Variants in CCR5AS observed in about 807,000 individuals in gnomAD.
CCR5AS encodes CCR5 antisense RNA.
chr3:46,388,549 C>A lies in CCR5AS; in HGVS notation n.391+4276G>T, dbSNP rs140654524. Among the ~76,000 whole-genome samples the A allele has an allele frequency of 6.5e-3, 996 of 152,266 alleles. 13 individuals carry two copies. Among genetic ancestry groups the A allele is most frequent in the African/African-American group, 0.023 (952 of 41,554 alleles). On this transcript the variant is annotated intron_variant and non_coding_transcript_variant, in intron 2 of 3. Coordinates refer to ENST00000451485, the Ensembl canonical transcript of CCR5AS. ...TTTGCTTGGTTGGTGAGTTTTTGGT[C>A]TCCATCCTTGAGTTTTTTTTATGTT...
intron 3 of CCR5AS, chr3:46,370,980 C>T (rs2106741265): frequency 6.6e-6 from 1 of 152,318 alleles, no homozygotes; most frequent in South Asian, 2.1e-4. Context: ...CTACAAGAAA[C>T]TCTCCCCGGT....
At chr3:46,394,292 G>A (rs1368323807) in intron 1 of CCR5AS, among the ~76,000 whole-genome samples, 3 of 152,194 alleles carry the variant, frequency 2.0e-5, no homozygotes, top group Admixed American at 6.5e-5. Flanking sequence ...CCCTGCTCTA[G>A]TGCTTCCTCC....
intron 1 of CCR5AS, among the ~76,000 whole-genome samples, chr3:46,393,844 C>T (rs1193439606): frequency 6.6e-6 from 1 of 152,240 alleles, no homozygotes; most frequent in Non-Finnish European, 1.5e-5. Context: ...AAGAATGAGC[C>T]TTCTGATATC....
intron 2 of CCR5AS, among the ~76,000 whole-genome samples, chr3:46,377,867 G>GTAGT (rs1701778116): frequency 1.3e-5 from 2 of 152,094 alleles, no homozygotes; most frequent in African/African-American, 4.8e-5. Context: ...CACCACGCCT[G>GTAGT]GGTAATTTTT....
intron 2 of CCR5AS, among the ~76,000 whole-genome samples, chr3:46,388,850 T>C (rs192837595): frequency 1.3e-5 from 2 of 152,270 alleles, no homozygotes; most frequent in Non-Finnish European, 2.9e-5. Flanking sequence ...AGAATAGAAC[T>C]TCATCAGGGT....
At chr3:46,402,374 T>C (rs1702011927) in intron 1 of CCR5AS, among the ~76,000 whole-genome samples, 1 of 152,254 alleles carries the variant, frequency 6.6e-6, no homozygotes, top group South Asian at 2.1e-4. Flanking sequence ...TAAAATTATA[T>C]GCCATTATTT....
chr3:46,378,913 C>T (rs1701787103), intron 2 of CCR5AS, among the ~76,000 whole-genome samples: 3 of 151,788 alleles, frequency 2.0e-5, no homozygotes, highest in South Asian at 4.2e-4. Flanking sequence ...AAGCTCCTCC[C>T]TTGTTTCTCT....
chr3:46,393,484 A>T (rs1701933455), intron 1 of CCR5AS, among the ~76,000 whole-genome samples: 4 of 151,798 alleles, frequency 2.6e-5, no homozygotes, highest in Admixed American at 1.3e-4. Flanking sequence ...AAGAAAAGAA[A>T]AGAAAAAAAA....
exon 3 of CCR5AS, chr3:46,371,299 A>T (rs1489882265): frequency 6.6e-6 from 1 of 152,224 alleles, no homozygotes; most frequent in Non-Finnish European, 1.5e-5. Context: ...TTGAAATCTT[A>T]TCTTCTGCTA....
At chr3:46,397,999 A>T (rs1230492824) in intron 1 of CCR5AS, among the ~76,000 whole-genome samples, 2 of 152,232 alleles carry the variant, frequency 1.3e-5, no homozygotes, top group Non-Finnish European at 2.9e-5. Flanking sequence ...CCTATGGGGT[A>T]TGTGGAGCCG....
intron 2 of CCR5AS, chr3:46,373,746 A>T: frequency 6.2e-7 from 1 of 1,613,880 alleles, no homozygotes; most frequent in Non-Finnish European, 8.5e-7. Context: ...TATGCAGGTG[A>T]CAGAGACTCT....
chr3:46,380,454 G>A (rs150037889), intron 2 of CCR5AS, among the ~76,000 whole-genome samples: 161 of 152,268 alleles, frequency 1.1e-3, no homozygotes, highest in South Asian at 6.0e-3. Flanking sequence ...TTATCACCTC[G>A]TTTACATCAA....
intron 1 of CCR5AS, among the ~76,000 whole-genome samples, chr3:46,403,887 A>G (rs1304908814): frequency 2.0e-5 from 3 of 152,218 alleles, no homozygotes; most frequent in African/African-American, 7.2e-5. Context: ...AGCACTGGCA[A>G]ATCAGCCAAA....
At position 46,376,340 on chromosome 3, in the gene CCR5AS, A is replaced by G. The variant is rs1004022890; in HGVS notation, n.392-4923T>C. ...GTGTGTGATGTATACAAAGAGAGAGATAATTGTATTTTTGTATTTTCTTTT... is the reference window on the plus strand; with the variant it reads ...GTGTGTGATGTATACAAAGAGAGAGGTAATTGTATTTTTGTATTTTCTTTT... On this transcript the variant is annotated intron_variant and non_coding_transcript_variant, in intron 2 of 3. Coordinates refer to ENST00000451485, the Ensembl canonical transcript of CCR5AS. 7.2e-5 allele frequency: 11 copies of G among 152,190 alleles called. No homozygotes were observed. In the East Asian group the frequency reaches 2.1e-3, roughly 29 times the overall value. 9.4% of individuals were successfully genotyped at this position (152,190 alleles called of 1,614,324 possible). A position where few individuals can be genotyped will look rare whatever the true frequency, so the allele number is the denominator to read the frequency against.
intron 1 of CCR5AS, among the ~76,000 whole-genome samples, chr3:46,396,800 T>C (rs979710254): frequency 2.6e-5 from 4 of 152,176 alleles, no homozygotes; most frequent in African/African-American, 9.7e-5. Flanking sequence ...TCCTTTCCAA[T>C]TGTGTCTCCT....
At chr3:46,401,422 C>T (rs1020522661) in intron 1 of CCR5AS, among the ~76,000 whole-genome samples, 8 of 152,174 alleles carry the variant, frequency 5.3e-5, no homozygotes, top group Non-Finnish European at 7.3e-5. Flanking sequence ...ATGTCTGTGA[C>T]ATTTGCAGGA....
intron 2 of CCR5AS, among the ~76,000 whole-genome samples, chr3:46,385,861 C>T (rs1362933505): frequency 6.6e-6 from 1 of 152,164 alleles, no homozygotes; most frequent in Admixed American, 6.5e-5. Flanking sequence ...CTGCCTCAGC[C>T]TCCTGAGCAG....
intron 1 of CCR5AS, among the ~76,000 whole-genome samples, chr3:46,396,111 T>C (rs1275593130): frequency 2.0e-5 from 3 of 152,210 alleles, no homozygotes; most frequent in Non-Finnish European, 4.4e-5. Flanking sequence ...AGTTACAATG[T>C]GTCATTTAAT....
intron 2 of CCR5AS, among the ~76,000 whole-genome samples, chr3:46,388,632 A>G (rs551640727): frequency 1.2e-4 from 19 of 152,186 alleles, no homozygotes; most frequent in Non-Finnish European, 2.6e-4. Flanking sequence ...TTAAAAATAT[A>G]CAGAGTTCTC....
Sources: allele counts gnomAD v4.1 joint callset (sites outside exome capture counted in the v4.1 genomes callset), GRCh38; gene constraint gnomAD v4.1.1; transcripts MANE v1.5; gene names NCBI Gene and HGNC (gene_info 2026-07-23, HGNC 2026-07-21).